Variants in AKR1C3 observed in about 807,000 individuals in gnomAD.
AKR1C3 encodes 3-alpha hydroxysteroid dehydrogenase, type II.
Under a neutral mutation model 43.6 loss-of-function variants are expected in AKR1C3, and 48 were observed. That is an observed-to-expected ratio of 1.10 (90% confidence interval 0.87 to 1.40). The LOEUF (loss-of-function observed/expected upper bound fraction) is 1.40. Ranked by LOEUF, AKR1C3 falls within the 40% of genes most tolerant of loss-of-function variation. AKR1C3 has a pLI of 0.00. For missense variants in AKR1C3, 482 were observed against 391.2 expected (o/e 1.23, Z -1.96); for synonymous variants, 162 against 139.6 (o/e 1.16, Z -1.13).
Position 5,076,040 on chromosome 10 carries a change from T to C in AKR1C3, c.85-20370T>C, listed in dbSNP as rs537536103. Among the ~76,000 whole-genome samples, 93 of 152,196 alleles carry C rather than the reference T, an allele frequency of 6.1e-4. 1 individual carries two copies. The South Asian group carries it at 0.019, about 31-fold the overall frequency. ...GTTGTTTCACCCTTTATTTTTGGAATCACCCAGGATCCTTTTAGCAACCAC... is the reference window on the plus strand; with the variant it reads ...GTTGTTTCACCCTTTATTTTTGGAACCACCCAGGATCCTTTTAGCAACCAC... On this transcript the variant is annotated intron_variant, in intron 1 of 8. Transcript: ENST00000439082.
intron 1 of AKR1C3, among the ~76,000 whole-genome samples, chr10:5,078,250 C>T (rs1253225328): frequency 6.6e-6 from 1 of 152,100 alleles, no homozygotes; most frequent in African/African-American, 2.4e-5. Flanking sequence ...CTCGTCTGGC[C>T]AGTGAATGGT....
chr10:5,097,324 G>T, intron 2 of AKR1C3, 110 bp from the exon 3 acceptor site: 1 of 1,289,496 alleles, frequency 7.8e-7, no homozygotes, highest in Non-Finnish European at 1.1e-6. Context: ...GTTTGCCAGT[G>T]GTCATAAATT....
At chr10:5,091,638 T>C (rs1439467420), upstream of AKR1C3, among the ~76,000 whole-genome samples, 1 of 152,136 alleles carries the variant, frequency 6.6e-6, no homozygotes, top group Non-Finnish European at 1.5e-5. Flanking sequence ...CAGCACCCTA[T>C]AGTTATAAAA....
intron 7 of AKR1C3, among the ~76,000 whole-genome samples, chr10:5,103,410 G>C (rs1839408535): frequency 6.6e-6 from 1 of 151,902 alleles, no homozygotes; most frequent in African/African-American, 2.4e-5. Flanking sequence ...ATTAAATAGA[G>C]CTGTTAAACA....
Position 5,097,440 on chromosome 10 carries a change from T to C in AKR1C3, c.259T>C (p.Ser87Pro). 6.2e-7 allele frequency: 1 copy of C among 1,613,524 alleles called. No individual in the cohort carries two copies. Among genetic ancestry groups the C allele is most frequent in the Non-Finnish European group, 8.5e-7 (1 of 1,179,682 alleles). ...EDIFYTSKLWSTFHRPELVRP... is the reference protein window; with the variant it reads ...EDIFYTSKLWPTFHRPELVRP... ...CATTCTTTAACCTCTGCAGCTTTGG[T>C]CCACTTTTCATCGACCAGAGTTGGT... The change falls in exon 3 of 9, where the codon TCC (serine) becomes CCC (proline). Residue 87 changes from serine to proline, a missense_variant. Coordinates refer to ENST00000380554, the MANE Select transcript of AKR1C3 (RefSeq NM_003739.6).
chr10:5,090,426 A>G (rs1839065667), upstream of AKR1C3, among the ~76,000 whole-genome samples: 1 of 152,076 alleles, frequency 6.6e-6, no homozygotes, highest in Non-Finnish European at 1.5e-5. Context: ...CTCAGTTCAG[A>G]TGCACACTGC....
chr10:5,105,755 A>C, intron 8 of AKR1C3, 78 bp downstream of exon 8: 1 of 1,136,588 alleles, frequency 8.8e-7, no homozygotes, highest in Non-Finnish European at 1.3e-6. Context: ...AGTGACCTCC[A>C]TACCAGAGGG....
intron 5 of AKR1C3, among the ~76,000 whole-genome samples, chr10:5,101,075 G>A (rs143482085): frequency 1.5e-3 from 223 of 152,194 alleles, no homozygotes; most frequent in Non-Finnish European, 2.2e-3. Context: ...CCCTCATGTC[G>A]TTTAACATCC....
chr10:5,051,451 A>G (rs1223483181), intron 1 of AKR1C3, among the ~76,000 whole-genome samples: 1 of 152,212 alleles, frequency 6.6e-6, no homozygotes, highest in Non-Finnish European at 1.5e-5. Context: ...TGAATAATTT[A>G]TTATTTTGAT....
At chr10:5,074,310 G>T (rs1203419682) in intron 1 of AKR1C3, among the ~76,000 whole-genome samples, 1 of 152,154 alleles carries the variant, frequency 6.6e-6, no homozygotes, top group East Asian at 1.9e-4. Context: ...TATATTAACT[G>T]AGACCTCTCT....
chr10:5,101,512 T>C (rs1839349954), intron 5 of AKR1C3, among the ~76,000 whole-genome samples: 1 of 152,206 alleles, frequency 6.6e-6, no homozygotes, highest in Non-Finnish European at 1.5e-5. Context: ...GAGATTACTA[T>C]AATAACCACC....
At chr10:5,095,121 G>A (rs1554784942) in intron 1 of AKR1C3, among the ~76,000 whole-genome samples, 1 of 152,062 alleles carries the variant, frequency 6.6e-6, no homozygotes, top group Non-Finnish European at 1.5e-5. Flanking sequence ...ACAAAGGAAA[G>A]TCTAAATTCT....
chr10:5,058,538 T>G (rs965984180), intron 1 of AKR1C3, among the ~76,000 whole-genome samples: 37 of 152,160 alleles, frequency 2.4e-4, no homozygotes, highest in Admixed American at 7.8e-4. Flanking sequence ...CAAAATTGCC[T>G]GTGGTTTTGG....
chr10:5,080,142 A>G (rs1324974907), intron 1 of AKR1C3, among the ~76,000 whole-genome samples: 1 of 149,216 alleles, frequency 6.7e-6, no homozygotes, highest in African/African-American at 2.5e-5. Flanking sequence ...ATGTCCGGAC[A>G]TAGGCCGGTA....
upstream of AKR1C3, among the ~76,000 whole-genome samples, chr10:5,092,483 CT>C (rs35143522): frequency 0.73 from 98,433 of 134,260 alleles, 35,523 homozygotes; most frequent in East Asian, 0.83. Flanking sequence ...TCTCTTTACT[CT>C]TTTTTTTTTT....
intron 7 of AKR1C3, among the ~76,000 whole-genome samples, chr10:5,103,772 C>T (rs1418736847): frequency 3.3e-5 from 5 of 152,130 alleles, no homozygotes; most frequent in Non-Finnish European, 7.3e-5. Context: ...CATTACAGGA[C>T]AGGCCAGACT....
rs117166764 is a variant in AKR1C3 at position 5,055,188 on chromosome 10, G to A, written c.84+6293G>A. Among the ~76,000 whole-genome samples, 624 of 152,286 alleles carry A rather than the reference G, an allele frequency of 4.1e-3. 3 individuals are homozygous for A. The East Asian group carries it at 0.044, about 11-fold the overall frequency. On this transcript the variant is annotated intron_variant, in intron 1 of 8. Coordinates refer to the AKR1C3 transcript ENST00000439082. The stretch of plus-strand genomic sequence containing the variant: ...ATCTCTGTGGCATAACCTGTCCTTC[G>A]TATCCCATTCTCCACAAATGAACTG...
At chr10:5,071,679 C>T (rs956160864) in intron 1 of AKR1C3, among the ~76,000 whole-genome samples, 3 of 152,188 alleles carry the variant, frequency 2.0e-5, no homozygotes, top group Non-Finnish European at 4.4e-5. Flanking sequence ...AGAAAACTCA[C>T]GGCTTCCAAA....
intron 1 of AKR1C3, among the ~76,000 whole-genome samples, chr10:5,058,730 T>C (rs185491831): frequency 2.9e-4 from 44 of 152,254 alleles, no homozygotes; most frequent in Non-Finnish European, 3.2e-4. Flanking sequence ...ACGCTAGTTT[T>C]CCTCCCAGAC....
Sources: gnomAD v4.1 joint callset for allele counts (sites outside exome capture counted in the v4.1 genomes callset) on GRCh38, gnomAD v4.1.1 for gene constraint, MANE v1.5 for transcripts, NCBI Gene and HGNC (gene_info 2026-07-23, HGNC 2026-07-21) for gene names.